RAD51B: variants seen among roughly 807,000 people sequenced by gnomAD.
RAD51B encodes the protein RAD51 paralog B.
RAD51B carries 38 observed loss-of-function variants against 42.2 expected under a neutral mutation model. The ratio of observed to expected loss-of-function variants is 0.90; its 90% CI spans 0.70 to 1.18. The LOEUF is 1.18. Ranked by LOEUF, RAD51B falls within the 50% of genes most tolerant of loss-of-function variation. RAD51B has a pLI of 0.00. For missense variants in RAD51B, 373 were observed against 400.7 expected, an observed-to-expected ratio of 0.93 and a Z score of 0.59; for synonymous variants, 154 against 145.2, an observed-to-expected ratio of 1.06 and a Z score of -0.43.
chr14:68,156,675 A>G (rs1288742366), intron 7 of RAD51B, among the ~76,000 whole-genome samples: 1 of 152,158 alleles, frequency 6.6e-6, no homozygotes, highest in Non-Finnish European at 1.5e-5. Flanking sequence ...AATATTTAGG[A>G]AAAGATAAAA....
chr14:68,111,110 AG>A (rs2077452625), intron 7 of RAD51B, among the ~76,000 whole-genome samples: 1 of 152,056 alleles, frequency 6.6e-6, no homozygotes. Context: ...TTTGCATTGT[AG>A]GGGGTGGACC....
chr14:68,300,643 T>C (rs2081710456), intron 8 of RAD51B, among the ~76,000 whole-genome samples: 1 of 152,258 alleles, frequency 6.6e-6, no homozygotes, highest in African/African-American at 2.4e-5. Flanking sequence ...CTCCTTGATC[T>C]AATTTTCTTT....
chr14:68,481,869 C>T (rs1435018437), downstream of RAD51B, among the ~76,000 whole-genome samples: 2 of 152,148 alleles, frequency 1.3e-5, no homozygotes, highest in African/African-American at 4.8e-5. Context: ...AAAGAATCAC[C>T]AGGAACAATG....
At chr14:68,408,966 G>C (rs1333818579) in intron 8 of RAD51B, among the ~76,000 whole-genome samples, 1 of 151,558 alleles carries the variant, frequency 6.6e-6, no homozygotes. Context: ...TAAATCTATA[G>C]AGAAAAAAAA....
rs186205548 is a variant in RAD51B, at chr14:67,927,645, A to G, written c.756+40441A>G. Among the ~76,000 whole-genome samples the G allele has an allele frequency of 8.4e-4, 127 of 151,974 alleles. 1 individual carries two copies. Among genetic ancestry groups the G allele is most frequent in the African/African-American group, 2.6e-3 (107 of 41,396 alleles). On this transcript the variant is annotated intron_variant, in intron 7 of 10. Transcript: ENST00000471583. ...AACATAATGACGTCCAATTCCATCC[A>G]TGTCACTTCAAATGACATGATTTCA...
downstream of RAD51B, among the ~76,000 whole-genome samples, chr14:68,614,922 G>A (rs544205852): frequency 6.6e-6 from 1 of 152,290 alleles, no homozygotes; most frequent in South Asian, 2.1e-4. Flanking sequence ...AGCTTTCTTG[G>A]AGTGCACTGG....
chr14:68,395,503 A>G (rs952659964), intron 8 of RAD51B, among the ~76,000 whole-genome samples: 1 of 152,218 alleles, frequency 6.6e-6, no homozygotes, highest in African/African-American at 2.4e-5. Flanking sequence ...TTAAAGAAGG[A>G]ATCCTCCCTT....
At chr14:68,594,499 T>A (rs748818542) in exon 11 of RAD51B, 1 of 1,368,302 alleles carries the variant, frequency 7.3e-7, no homozygotes, top group South Asian at 1.1e-5. Flanking sequence ...AACATTTTGC[T>A]CTGTCACCCA....
At chr14:68,388,318 G>A (rs968786593) in intron 8 of RAD51B, among the ~76,000 whole-genome samples, 6 of 151,702 alleles carry the variant, frequency 4.0e-5, no homozygotes, top group Non-Finnish European at 7.4e-5. Flanking sequence ...GGTTGATCTC[G>A]AACTCCTGAC....
At chr14:68,319,787 A>G (rs1203843507) in intron 8 of RAD51B, among the ~76,000 whole-genome samples, 1 of 152,214 alleles carries the variant, frequency 6.6e-6, no homozygotes, top group Non-Finnish European at 1.5e-5. Flanking sequence ...TATCTAGCCT[A>G]GAGAAGTGGA....
chr14:68,288,510 T>C (rs2081455988), intron 7 of RAD51B, among the ~76,000 whole-genome samples: 1 of 152,248 alleles, frequency 6.6e-6, no homozygotes, highest in Non-Finnish European at 1.5e-5. Flanking sequence ...ATGCTGGGTA[T>C]CTTTTGAGGT....
At chr14:68,369,533 C>G (rs1185636888) in intron 8 of RAD51B, among the ~76,000 whole-genome samples, 1 of 152,208 alleles carries the variant, frequency 6.6e-6, no homozygotes, top group Non-Finnish European at 1.5e-5. Flanking sequence ...CTGCCTTTCT[C>G]AAGGGAAAAC....
At chr14:67,886,647 T>C (rs1438315791) in intron 6 of RAD51B, 1 of 234,802 alleles carries the variant, frequency 4.3e-6, no homozygotes, top group African/African-American at 2.2e-5. Flanking sequence ...GATCTTGTCA[T>C]ATGCTTGTGG....
intron 7 of RAD51B, among the ~76,000 whole-genome samples, chr14:67,913,673 A>T (rs914041679): frequency 2.6e-5 from 4 of 152,152 alleles, no homozygotes; most frequent in Non-Finnish European, 5.9e-5. Flanking sequence ...TTGTGGGTAC[A>T]TAGTAGGTAT....
At chr14:68,033,053 C>T (rs902673576) in intron 7 of RAD51B, among the ~76,000 whole-genome samples, 2 of 152,114 alleles carry the variant, frequency 1.3e-5, no homozygotes, top group East Asian at 1.9e-4. Flanking sequence ...TCTTTATTAC[C>T]GTATCATCAT....
At chr14:68,615,821 A>T (rs1891814594), downstream of RAD51B, among the ~76,000 whole-genome samples, 3 of 152,134 alleles carry the variant, frequency 2.0e-5, no homozygotes. Flanking sequence ...TTTTATATTT[A>T]AAATGAATTT....
chr14:67,924,432 T>C (rs2044433262), intron 7 of RAD51B, among the ~76,000 whole-genome samples: 1 of 152,214 alleles, frequency 6.6e-6, no homozygotes, highest in Admixed American at 6.5e-5. Flanking sequence ...ATTTTTACGC[T>C]GCTGGTAAAG....
chr14:68,584,382 G>A (rs966998860), intron 10 of RAD51B, among the ~76,000 whole-genome samples: 8 of 152,198 alleles, frequency 5.3e-5, no homozygotes, highest in African/African-American at 1.9e-4. Flanking sequence ...TAGCCAGGGT[G>A]TTGGTGGGAG....
At chr14:68,217,756 G>C (rs1054342917) in intron 7 of RAD51B, among the ~76,000 whole-genome samples, 1 of 152,226 alleles carries the variant, frequency 6.6e-6, no homozygotes, top group Non-Finnish European at 1.5e-5. Flanking sequence ...GAAGAATTTG[G>C]AGCAGAGAGT....
Sources: allele counts gnomAD v4.1 joint callset (sites outside exome capture counted in the v4.1 genomes callset), GRCh38; gene constraint gnomAD v4.1.1; transcripts MANE v1.5; gene names NCBI Gene and HGNC (gene_info 2026-07-23, HGNC 2026-07-21).